The following LIPI variants were observed in gnomAD, a reference collection of about 807,000 sequenced individuals.
LIPI encodes the protein lipase member I.
A neutral mutation model predicts 50.6 loss-of-function variants in LIPI; 59 were observed. The observed-to-expected ratio is 1.16, with a 90% CI of 0.94 to 1.45. The LOEUF (loss-of-function observed/expected upper bound fraction) is 1.45, where lower values mean the gene tolerates loss of function less well. Among genes scored for constraint, LIPI ranks in the 40% most tolerant of loss-of-function variants. LIPI has a pLI of 0.00. For synonymous variants in LIPI, 203 were observed against 178.2 expected (o/e 1.14, Z -1.11); for missense variants, 586 against 536.3 (o/e 1.09, Z -0.92).
intron 7 of LIPI, among the ~76,000 whole-genome samples, chr21:14,161,046 A>G (rs1379222913): frequency 1.3e-5 from 2 of 151,280 alleles, no homozygotes; most frequent in African/African-American, 4.8e-5. Context: ...TGGTACAGTC[A>G]CTCCAAAAAA....
intron 1 of LIPI, among the ~76,000 whole-genome samples, chr21:14,196,826 A>G (rs2019879076): frequency 6.6e-6 from 1 of 152,104 alleles, no homozygotes; most frequent in Non-Finnish European, 1.5e-5. Flanking sequence ...AACCTATCTC[A>G]ACAACAACAA....
chr21:14,154,437 T>A (rs989199415), intron 7 of LIPI, among the ~76,000 whole-genome samples: 1 of 151,962 alleles, frequency 6.6e-6, no homozygotes, highest in South Asian at 2.1e-4. Flanking sequence ...TACTAGGATA[T>A]ACTTCAGCAA....
intron 9 of LIPI, among the ~76,000 whole-genome samples, chr21:14,115,603 G>A (rs1043502494): frequency 6.6e-6 from 1 of 152,126 alleles, no homozygotes; most frequent in Non-Finnish European, 1.5e-5. Flanking sequence ...AGAGCCCCAG[G>A]ACGTGGGAGA....
chr21:14,131,917 T>C (rs1337686477), intron 9 of LIPI, among the ~76,000 whole-genome samples: 1 of 151,928 alleles, frequency 6.6e-6, no homozygotes, highest in East Asian at 1.9e-4. Flanking sequence ...AAATACAAAA[T>C]ACATCCAAAA....
At chr21:14,167,223 G>C (rs78327287) in intron 4 of LIPI, among the ~76,000 whole-genome samples, 4,927 of 152,292 alleles carry the variant, frequency 0.032, 193 homozygotes, top group East Asian at 0.22. Context: ...CTTGAACTGG[G>C]TGGAGCCCAC....
chr21:14,155,713 A>C (rs2018249837), intron 7 of LIPI, among the ~76,000 whole-genome samples: 1 of 151,992 alleles, frequency 6.6e-6, no homozygotes, highest in South Asian at 2.1e-4. Context: ...CAAATCTTAC[A>C]TCCAACAAAA....
At chr21:14,195,399 G>A (rs778216046) in intron 1 of LIPI, among the ~76,000 whole-genome samples, 1 of 152,112 alleles carries the variant, frequency 6.6e-6, no homozygotes, top group Admixed American at 6.6e-5. Flanking sequence ...GGGACATTCA[G>A]TAGGATCCCC....
In LIPI at chr21:14,125,719, A is replaced by G. The variant is rs543990207; in HGVS notation, c.1296-16639T>C. On this transcript the variant is annotated intron_variant, in intron 9 of 9. Transcript: ENST00000681601. ...ACTACAGGCATGTGCCACAATGCCT[A>G]CGTAATTTTTTTGTGTTTTTAGTAG... Among the ~76,000 whole-genome samples the G allele has an allele frequency of 9.8e-5, 11 of 112,664 alleles. No individual in the cohort carries two copies. The East Asian group carries it at 3.0e-3, about 31-fold the overall frequency. 73.9% of individuals were successfully genotyped at this position (112,664 alleles called of 152,430 possible). A position where few individuals can be genotyped will look rare whatever the true frequency, so the allele number is the denominator to read the frequency against.
chr21:14,194,892 A>G (rs2019792537), intron 1 of LIPI, among the ~76,000 whole-genome samples: 1 of 152,164 alleles, frequency 6.6e-6, no homozygotes. Flanking sequence ...TAGATATCTC[A>G]TCCCAGATTT....
intron 8 of LIPI, among the ~76,000 whole-genome samples, chr21:14,149,554 C>T (rs559998481): frequency 5.5e-4 from 83 of 152,290 alleles, no homozygotes; most frequent in African/African-American, 1.9e-3. Context: ...TCCAAAGTCT[C>T]ATTTGAGACA....
rs1341611060 is a variant in LIPI, at chr21:14,144,803, G to C, written c.1119-4C>G. 6.5e-7 allele frequency: 1 copy of C among 1,550,008 alleles called. No individual in the cohort carries two copies. The highest frequency in any genetic ancestry group is 1.1e-5 in the South Asian group (1 of 89,472). Reference sequence around the variant, plus strand: ...TTTATAAAATGGTTTGTTCTTTCTAGAGAGAAAATTTGATACACGCAGCAT... The same window carrying C: ...TTTATAAAATGGTTTGTTCTTTCTACAGAGAAAATTTGATACACGCAGCAT... On this transcript the variant is annotated splice_polypyrimidine_tract_variant and splice_region_variant and intron_variant, in intron 8 of 9. Transcript: ENST00000681601.
intron 4 of LIPI, among the ~76,000 whole-genome samples, chr21:14,176,558 A>G (rs577052996): frequency 9.9e-5 from 15 of 151,870 alleles, no homozygotes; most frequent in African/African-American, 3.4e-4. Flanking sequence ...TTATTTTTAA[A>G]TGTGATTTTT....
chr21:14,145,580 AG>A (rs1465765080), intron 8 of LIPI, among the ~76,000 whole-genome samples: 1 of 152,076 alleles, frequency 6.6e-6, no homozygotes, highest in Non-Finnish European at 1.5e-5. Flanking sequence ...GAGGAGAAAG[AG>A]AAGGAGAAGG....
At chr21:14,176,718 A>G (rs1191521509) in intron 4 of LIPI, among the ~76,000 whole-genome samples, 1 of 139,168 alleles carries the variant, frequency 7.2e-6, no homozygotes, top group Non-Finnish European at 1.6e-5. Flanking sequence ...TTTGCTTTCA[A>G]TTCTTTTTTT....
chr21:14,166,387 A>G lies in LIPI; in HGVS notation c.708T>C (p.Pro236=). 1 of 1,602,528 alleles carries G rather than the reference A, an allele frequency of 6.2e-7. No homozygotes were observed. Among genetic ancestry groups the G allele is most frequent in the African/African-American group, 1.3e-5 (1 of 74,840 alleles). Residue 236 remains proline (P), a synonymous_variant, in exon 5 of 10, where the codon CCT becomes CCC. Coordinates refer to ENST00000681601, the MANE Select transcript of LIPI (RefSeq NM_001302998.2). ...CTGAGAAAATTGATTTAGGACAGCC[A>G]GGTTGTTTATTTCCTCCATTTGGAT... ...DFYPNGGNKQ[P]GCPKSIFSGI... is the part of the protein sequence containing the mutation.
chr21:14,166,118 A>G (rs909818761), intron 5 of LIPI, among the ~76,000 whole-genome samples: 3 of 152,174 alleles, frequency 2.0e-5, no homozygotes, highest in Non-Finnish European at 4.4e-5. Flanking sequence ...GTTTAAAATG[A>G]TGGAATAAAA....
In LIPI at chr21:14,117,863, G is replaced by A. The variant is rs117946202; in HGVS notation, c.1296-8783C>T. Among the ~76,000 whole-genome samples the A allele has an allele frequency of 2.9e-3, 445 of 152,182 alleles. 4 individuals are homozygous for A. The highest frequency in any genetic ancestry group is 4.8e-3 in the Non-Finnish European group (325 of 68,000). On this transcript the variant is annotated intron_variant, in intron 9 of 9. Coordinates refer to ENST00000681601, the MANE Select transcript of LIPI (RefSeq NM_001302998.2). ...GAAAAAGCAAAGTGGGAGGCCAAGC[G>A]TAGAGTGAAGGAAAAGGCAGAGTTC...
intron 9 of LIPI, among the ~76,000 whole-genome samples, chr21:14,129,143 TG>T (rs779974784): frequency 2.0e-5 from 3 of 152,090 alleles, no homozygotes; most frequent in Non-Finnish European, 4.4e-5. Context: ...TTCATTGAGC[TG>T]TGTATTTATA....
rs373394547 is a variant in LIPI, at chr21:14,133,909, A to G, written c.1295+10714T>C. 6.6e-5 allele frequency among the ~76,000 whole-genome samples: 10 copies of G among 152,318 alleles called. No homozygotes were observed. In the East Asian group the frequency reaches 1.9e-3, roughly 29 times the overall value. On this transcript the variant is annotated intron_variant, in intron 9 of 9. Coordinates refer to ENST00000681601, the MANE Select transcript of LIPI (RefSeq NM_001302998.2). ...ACAACACATTAAAATACTTAGGAAT[A>G]TAGTTAATCAAGGAGGTAAATCATC... is the stretch of plus-strand genomic sequence containing the variant.
Sources: gnomAD v4.1 joint callset for allele counts (sites outside exome capture counted in the v4.1 genomes callset) on GRCh38, gnomAD v4.1.1 for gene constraint, MANE v1.5 for transcripts, NCBI Gene and HGNC (gene_info 2026-07-23, HGNC 2026-07-21) for gene names.